The following COG2 variants were observed in gnomAD, a reference collection of about 807,000 sequenced individuals.
COG2 encodes the protein component of oligomeric golgi complex 2.
COG2 carries 52 observed loss-of-function variants against 90.6 expected under a neutral mutation model. That is an observed-to-expected ratio of 0.57 (90% confidence interval 0.46 to 0.72). The LOEUF (loss-of-function observed/expected upper bound fraction) is 0.72. COG2 is among the 30% of genes least tolerant of loss of function. COG2 has a pLI of 0.00. For synonymous variants in COG2, 337 were observed against 320.4 expected (o/e 1.05, Z -0.55); for missense variants, 829 against 891.2 (o/e 0.93, Z 0.89).
chr1:230,691,457 G>GC lies in COG2; in HGVS notation c.2010dup (p.Arg671GlnfsTer30). 1 of 1,614,100 alleles carries GC rather than the reference G, an allele frequency of 6.2e-7. No homozygotes were observed. On this transcript the variant is annotated frameshift_variant, in exon 17 of 18. Transcript: ENST00000366669. LOFTEE classifies it high-confidence loss of function. ...AGAGAGCCTGAAAAGGCTGAAACAA[G>GC]CCAGAAAAACCACTCCCGCCAACCC...
intron 8 of COG2, 108 bp downstream of exon 8, chr1:230,671,748 GAA>G: frequency 1.0e-6 from 1 of 983,352 alleles, no homozygotes; most frequent in South Asian, 1.7e-5. Context: ...TGTCTTGTAT[GAA>G]TCCATTATGA....
chr1:230,643,022 G>A (rs1036422335), intron 1 of COG2: 50 of 271,702 alleles, frequency 1.8e-4, no homozygotes, highest in African/African-American at 1.0e-3. Context: ...GTGGACCGGG[G>A]CCTTGGAGCT....
chr1:230,691,341 C>T lies in COG2; in HGVS notation c.1935-43C>T, dbSNP rs763151683. The T allele has an allele frequency of 8.5e-6, 13 of 1,529,044 alleles. No homozygotes were observed. In the African/African-American group the frequency reaches 1.8e-4, roughly 21 times the overall value. The allele number at this position is 1,529,044 out of a possible 1,614,324, so 94.7% of individuals were successfully genotyped here. On this transcript the variant is annotated intron_variant, in intron 16 of 17. Transcript: ENST00000366669. The stretch of plus-strand genomic sequence containing the variant: ...GCCAGTTACTCTATTTGGTGTTACA[C>T]ACAAATGCCTCTTTTCACCAATAAA...
chr1:230,671,364 T>TA, intron 7 of COG2, 152 bp from the exon 8 acceptor site: 1 of 602,956 alleles, frequency 1.7e-6, no homozygotes. Flanking sequence ...TGTGACCTGT[T>TA]ATTTACTTCA....
chr1:230,644,233 C>T (rs575487090), intron 1 of COG2, among the ~76,000 whole-genome samples: 10 of 152,190 alleles, frequency 6.6e-5, no homozygotes, highest in Non-Finnish European at 1.0e-4. Context: ...ATATGCGGTA[C>T]ATTTTGTAGT....
chr1:230,656,926 A>AATATTCCT (rs1324185051), intron 1 of COG2, among the ~76,000 whole-genome samples: 1 of 152,130 alleles, frequency 6.6e-6, no homozygotes, highest in Non-Finnish European at 1.5e-5. Context: ...TTGCTTGGTA[A>AATATTCCT]ATATTCCTCC....
intron 1 of COG2, among the ~76,000 whole-genome samples, chr1:230,657,477 TTC>T (rs1388664362): frequency 6.6e-6 from 1 of 152,166 alleles, no homozygotes. Context: ...AACCTGACCT[TTC>T]TCTCTGTCTG....
At chr1:230,657,568 A>G (rs1662087021) in intron 1 of COG2, among the ~76,000 whole-genome samples, 1 of 152,106 alleles carries the variant, frequency 6.6e-6, no homozygotes, top group African/African-American at 2.4e-5. Context: ...CTCGAGGAGC[A>G]TCTTTGTGGT....
chr1:230,675,243 C>T, intron 9 of COG2, 119 bp downstream of exon 9: 1 of 1,173,168 alleles, frequency 8.5e-7, no homozygotes, highest in Non-Finnish European at 1.2e-6. Flanking sequence ...ATTTGAGTTG[C>T]TAAGTGAACA....
At chr1:230,662,704 C>T (rs1662208050) in intron 3 of COG2, among the ~76,000 whole-genome samples, 1 of 152,164 alleles carries the variant, frequency 6.6e-6, no homozygotes, top group Admixed American at 6.5e-5. Context: ...GCCTGCAGTA[C>T]CCCCGGATGT....
intron 7 of COG2, chr1:230,670,163 T>C (rs1662414771): frequency 6.6e-6 from 1 of 152,312 alleles, no homozygotes; most frequent in Non-Finnish European, 1.5e-5. Context: ...TAGTAGGATA[T>C]AGTTAAAATG....
In COG2 at chr1:230,691,368, G is replaced by T; in HGVS notation, c.1935-16G>T. The T allele has an allele frequency of 6.3e-7, 1 of 1,581,706 alleles. No individual in the cohort carries two copies. The highest frequency in any genetic ancestry group is 1.4e-5 in the African/African-American group (1 of 73,926). On this transcript the variant is annotated splice_polypyrimidine_tract_variant and intron_variant, in intron 16 of 17. Transcript: ENST00000366669. ...CAAATGCCTCTTTTCACCAATAAACGTGTCTTCTATTCAAGGTACTATGAA... is the reference window on the plus strand; with the variant it reads ...CAAATGCCTCTTTTCACCAATAAACTTGTCTTCTATTCAAGGTACTATGAA...
At chr1:230,679,817 G>A (rs536808724) in intron 10 of COG2, 1 of 152,190 alleles carries the variant, frequency 6.6e-6, no homozygotes, top group Non-Finnish European at 1.5e-5. Context: ...AGAATCATAG[G>A]CTTTTTTATT....
intron 2 of COG2, among the ~76,000 whole-genome samples, chr1:230,659,918 T>A (rs760955940): frequency 7.2e-5 from 11 of 152,232 alleles, no homozygotes; most frequent in Non-Finnish European, 1.5e-4. Context: ...TACCATGAAA[T>A]CTCTCTGGTT....
rs184849628 is a variant in COG2 at position 230,690,372 on chromosome 1, G to A, written c.1934+219G>A. The A allele has an allele frequency of 3.1e-5, 14 of 452,968 alleles. No individual in the cohort carries two copies. In the South Asian group the frequency reaches 3.3e-4, roughly 11 times the overall value. The allele number at this position is 452,968 out of a possible 1,614,324, so 28.1% of individuals were successfully genotyped here. A position where few individuals can be genotyped will look rare whatever the true frequency, so the allele number is the denominator to read the frequency against. ...CTTCCTCTGCCTGGGCTTCAGCCTC[G>A]GGGCCGGGCCATGTGCACAGTGCCC... On this transcript the variant is annotated intron_variant, in intron 16 of 17. Transcript: ENST00000366669.
At chr1:230,652,938 G>A (rs886602669) in intron 1 of COG2, among the ~76,000 whole-genome samples, 16 of 152,126 alleles carry the variant, frequency 1.1e-4, no homozygotes. Flanking sequence ...TGTATACATT[G>A]TGAAATAATT....
chr1:230,668,002 A>G (rs1662360558), intron 5 of COG2, among the ~76,000 whole-genome samples: 1 of 152,172 alleles, frequency 6.6e-6, no homozygotes, highest in Non-Finnish European at 1.5e-5. Flanking sequence ...GACCCACAGC[A>G]TGTAGGTTGA....
At chr1:230,668,948 T>C (rs942805881) in intron 6 of COG2, 164 bp downstream of exon 6, 5 of 520,968 alleles carry the variant, frequency 9.6e-6, no homozygotes, top group Non-Finnish European at 1.7e-5. Context: ...TCACACATTA[T>C]AGATTTTGTG....
intron 5 of COG2, among the ~76,000 whole-genome samples, chr1:230,665,092 A>T (rs1662288387): frequency 6.6e-6 from 1 of 152,228 alleles, no homozygotes; most frequent in South Asian, 2.1e-4. Context: ...GTAGTGTCTT[A>T]TTACCTTCCC....
Sources: gnomAD v4.1 joint callset for allele counts (sites outside exome capture counted in the v4.1 genomes callset) on GRCh38, gnomAD v4.1.1 for gene constraint, MANE v1.5 for transcripts, NCBI Gene and HGNC (gene_info 2026-07-23, HGNC 2026-07-21) for gene names.